The following WDR59 variants were observed in gnomAD, a reference collection of about 807,000 sequenced individuals.
WDR59 encodes WD repeat domain 59.
WDR59 carries 100 observed loss-of-function variants against 131.2 expected under a neutral mutation model. The ratio of observed to expected loss-of-function variants is 0.76; its 90% confidence interval spans 0.65 to 0.90. WDR59 has a LOEUF of 0.90. WDR59 is among the 40% of genes least tolerant of loss of function. WDR59 has a pLI of 0.00. For missense variants in WDR59, 1,203 were observed against 1,262.2 expected, an observed-to-expected ratio of 0.95 and a Z score of 0.71; for synonymous variants, 601 against 466.2, an observed-to-expected ratio of 1.29 and a Z score of -3.72.
chr16:74,929,296 C>T (rs866018428), intron 8 of WDR59, among the ~76,000 whole-genome samples: 2 of 152,112 alleles, frequency 1.3e-5, no homozygotes, highest in Non-Finnish European at 2.9e-5. Flanking sequence ...AGGATGGTCT[C>T]GATCTCCTGA....
At chr16:74,963,365 T>G (rs1174162859) in intron 2 of WDR59, 1 of 151,974 alleles carries the variant, frequency 6.6e-6, no homozygotes, top group South Asian at 2.1e-4. Flanking sequence ...ATAGACTGAA[T>G]AAAGAAAATG....
Position 74,905,714 on chromosome 16 carries a change from A to T in WDR59, c.1713-1614T>A, listed in dbSNP as rs545741883. ...AATAATAATAAATAAAAAATAAAAA[A>T]ATAAAATAAAATAAATAAAATTAAA... On this transcript the variant is annotated intron_variant, in intron 17 of 25. Transcript: ENST00000262144. Among the ~76,000 whole-genome samples the T allele has an allele frequency of 1.2e-4, 18 of 151,292 alleles. 1 individual carries two copies. Among genetic ancestry groups the T allele is most frequent in the Admixed American group, 1.1e-3 (16 of 15,228 alleles).
rs1015292522 is a variant in WDR59 at position 74,891,809 on chromosome 16, C to A, written c.2082+675G>T. 7.9e-5 allele frequency among the ~76,000 whole-genome samples: 12 copies of A among 152,160 alleles called. 1 individual carries two copies. The highest frequency in any genetic ancestry group is 1.9e-4 in the East Asian group (1 of 5,168). On this transcript the variant is annotated intron_variant, in intron 20 of 25. Transcript: ENST00000262144. The stretch of plus-strand genomic sequence containing the variant: ...TTTGGTGGCACGCATCTATAATCCC[C>A]GCTACTCGGGAGGCTGAGGCAGGAG...
At chr16:74,879,816 G>C (rs1178208966) in intron 25 of WDR59, among the ~76,000 whole-genome samples, 2 of 152,116 alleles carry the variant, frequency 1.3e-5, no homozygotes, top group African/African-American at 4.8e-5. Flanking sequence ...AACCTCATCT[G>C]CAAAAATGCT....
intron 22 of WDR59, 77 bp from the exon 23 acceptor site, chr16:74,887,832 A>C (rs1964841959): frequency 7.0e-7 from 1 of 1,420,422 alleles, no homozygotes. Flanking sequence ...TTAAGAAAAC[A>C]GCAGGCCAAG....
At chr16:74,966,125 G>A (rs946492587) in intron 1 of WDR59, among the ~76,000 whole-genome samples, 1 of 152,090 alleles carries the variant, frequency 6.6e-6, no homozygotes, top group African/African-American at 2.4e-5. Flanking sequence ...TTGACAATAG[G>A]GCAGTTGCTA....
chr16:74,962,221 G>C (rs561531662), intron 2 of WDR59, among the ~76,000 whole-genome samples: 1 of 152,106 alleles, frequency 6.6e-6, no homozygotes, highest in Admixed American at 6.6e-5. Flanking sequence ...GTCGGGTAGC[G>C]TAATACCTCC....
chr16:74,944,334 C>T (rs552727458), intron 6 of WDR59, among the ~76,000 whole-genome samples: 37 of 151,962 alleles, frequency 2.4e-4, no homozygotes, highest in East Asian at 1.5e-3. Flanking sequence ...GGTGTGGTGG[C>T]GTGCACCTGT....
chr16:74,914,499 CT>C (rs1966264254), intron 13 of WDR59, among the ~76,000 whole-genome samples: 1 of 152,116 alleles, frequency 6.6e-6, no homozygotes, highest in Non-Finnish European at 1.5e-5. Flanking sequence ...CATGTTGTTT[CT>C]TCCACCAAAT....
chr16:74,983,200 T>G (rs754146297), intron 1 of WDR59, among the ~76,000 whole-genome samples: 1 of 151,700 alleles, frequency 6.6e-6, no homozygotes, highest in African/African-American at 2.4e-5. Flanking sequence ...AGGCCAGGTG[T>G]AGTGGCTCAC....
rs34468583 is a variant in WDR59, at chr16:74,932,430, TACACACACACACACAC to T, written c.651+5704_651+5719del. Among the ~76,000 whole-genome samples, 384 of 144,202 alleles carry T rather than the reference TACACACACACACACAC, an allele frequency of 2.7e-3. 3 individuals carry two copies. Among genetic ancestry groups the T allele is most frequent in the Non-Finnish European group, 4.7e-3 (311 of 65,930 alleles). The allele number at this position is 144,202 out of a possible 152,430, so 94.6% of individuals were successfully genotyped here. On this transcript the variant is annotated intron_variant, in intron 8 of 25. Transcript: ENST00000262144. ...AAATTGAGTCATGAAACATAATTTT[TACACACACACACACAC>T]ACACACACACACACACACACAACTA... is the stretch of plus-strand genomic sequence containing the variant.
chr16:74,919,930 G>T (rs981828559), intron 10 of WDR59, among the ~76,000 whole-genome samples: 4 of 152,130 alleles, frequency 2.6e-5, no homozygotes, highest in Non-Finnish European at 5.9e-5. Flanking sequence ...AAATTAGCTG[G>T]CATGGTGGCA....
chr16:74,886,732 G>A (rs1964784349), intron 23 of WDR59, among the ~76,000 whole-genome samples: 1 of 151,982 alleles, frequency 6.6e-6, no homozygotes, highest in Non-Finnish European at 1.5e-5. Flanking sequence ...CCAGCCTGAC[G>A]AACATAGTGA....
At chr16:74,900,146 G>C (rs2144867783) in intron 18 of WDR59, among the ~76,000 whole-genome samples, 1 of 152,330 alleles carries the variant, frequency 6.6e-6, no homozygotes, top group African/African-American at 2.4e-5. Context: ...TAGGAGGTAA[G>C]AAGGAGAACA....
At chr16:74,959,615 TAATAA>T (rs201966194) in intron 2 of WDR59, 3 of 424,138 alleles carry the variant, frequency 7.1e-6, no homozygotes, top group East Asian at 1.5e-4. Context: ...AAAAAAATTA[TAATAA>T]AATAAAATAA....
chr16:74,965,630 T>G, intron 2 of WDR59, 143 bp downstream of exon 2: 1 of 932,258 alleles, frequency 1.1e-6, no homozygotes, highest in Non-Finnish European at 1.7e-6. Context: ...TCCCTCCGAG[T>G]AGCCCTGAGG....
intron 2 of WDR59, among the ~76,000 whole-genome samples, chr16:74,960,394 AG>A (rs771757109): frequency 3.9e-5 from 6 of 152,094 alleles, no homozygotes; most frequent in African/African-American, 7.2e-5. Context: ...CCAGAAGCAA[AG>A]TCATACAAGA....
intron 7 of WDR59, among the ~76,000 whole-genome samples, chr16:74,938,823 C>T (rs1270923478): frequency 6.6e-6 from 1 of 151,840 alleles, no homozygotes; most frequent in Non-Finnish European, 1.5e-5. Flanking sequence ...CAGGCACGAT[C>T]CACTGTGCCC....
intron 2 of WDR59, 75 bp from the exon 3 acceptor site, chr16:74,956,685 G>C (rs371783783): frequency 8.4e-6 from 13 of 1,540,962 alleles, no homozygotes; most frequent in Non-Finnish European, 1.1e-5. Context: ...AGCACAATTG[G>C]AATTGCATAC....
Sources: gnomAD v4.1 joint callset for allele counts (sites outside exome capture counted in the v4.1 genomes callset) on GRCh38, gnomAD v4.1.1 for gene constraint, MANE v1.5 for transcripts, NCBI Gene and HGNC (gene_info 2026-07-23, HGNC 2026-07-21) for gene names.